Variants in SRGAP3 observed in about 807,000 individuals in gnomAD.
The protein encoded by SRGAP3 is SLIT-ROBO Rho GTPase-activating protein 3.
SRGAP3 carries 39 observed loss-of-function variants against 121.1 expected under a neutral mutation model. The ratio of observed to expected loss-of-function variants is 0.32; its 90% CI spans 0.25 to 0.42. The LOEUF (loss-of-function observed/expected upper bound fraction) is 0.42. SRGAP3 is among the 10% of genes least tolerant of loss of function. The probability of loss-of-function intolerance (pLI) is 1.00; values close to 1 mark genes in which losing one functional copy is unlikely to be tolerated. For synonymous variants in SRGAP3, 601 were observed against 570.0 expected (o/e 1.05, Z -0.77); for missense variants, 1,213 against 1,470.6 (o/e 0.82, Z 2.86).
At chr3:8,999,964 T>C (rs1942654125) in intron 18 of SRGAP3, among the ~76,000 whole-genome samples, 1 of 152,148 alleles carries the variant, frequency 6.6e-6, no homozygotes, top group South Asian at 2.1e-4. Flanking sequence ...CAAGAAAATC[T>C]ATAAAAATTT....
Position 8,993,064 on chromosome 3 carries a change from A to C in SRGAP3, c.2409-9T>G, listed in dbSNP as rs768050192. The stretch of plus-strand genomic sequence containing the variant: ...CGGAGAAGGCATCATCCCTGGGGAG[A>C]AGACAGACATGAATTGGAGGCACCT... On this transcript the variant is annotated splice_polypyrimidine_tract_variant and intron_variant, in intron 19 of 21. Transcript: ENST00000383836. The C allele has an allele frequency of 2.5e-6, 4 of 1,613,638 alleles. No homozygotes were observed. Among genetic ancestry groups the C allele is most frequent in the East Asian group, 2.2e-5 (1 of 44,878 alleles).
intron 3 of SRGAP3, among the ~76,000 whole-genome samples, chr3:9,301,942 G>T (rs1955065549): frequency 1.3e-5 from 2 of 152,226 alleles, no homozygotes; most frequent in Admixed American, 1.3e-4. Context: ...ATATTGTGGG[G>T]TGAGTGAATA....
At chr3:9,082,315 G>C (rs1947283972) in intron 3 of SRGAP3, among the ~76,000 whole-genome samples, 1 of 152,168 alleles carries the variant, frequency 6.6e-6, no homozygotes, top group Non-Finnish European at 1.5e-5. Flanking sequence ...CCCGGCCTCA[G>C]GTATTCCTTT....
At chr3:9,128,191 C>T (rs76355402) in intron 1 of SRGAP3, among the ~76,000 whole-genome samples, 3,764 of 152,286 alleles carry the variant, frequency 0.025, 160 homozygotes, top group African/African-American at 0.086. Flanking sequence ...TCAACCATCC[C>T]GCCCATCTCA....
intron 3 of SRGAP3, among the ~76,000 whole-genome samples, chr3:9,093,590 C>G (rs1399214505): frequency 2.6e-5 from 4 of 152,128 alleles, no homozygotes; most frequent in Admixed American, 2.6e-4. Context: ...TCCATCAACC[C>G]ACTCATCCAT....
intron 1 of SRGAP3, among the ~76,000 whole-genome samples, chr3:9,183,335 C>G (rs1951488125): frequency 6.6e-6 from 1 of 152,170 alleles, no homozygotes; most frequent in African/African-American, 2.4e-5. Flanking sequence ...CCCTTGAAAG[C>G]AGATTATAAA....
chr3:9,206,303 A>G (rs1952264344), intron 1 of SRGAP3, among the ~76,000 whole-genome samples: 1 of 152,216 alleles, frequency 6.6e-6, no homozygotes, highest in South Asian at 2.1e-4. Context: ...TTTACTACTG[A>G]GGAAGCCAAG....
rs143913470 is a variant in SRGAP3 at position 9,323,141 on chromosome 3, G to A, written n.442+2869C>T. On this transcript the variant is annotated intron_variant and non_coding_transcript_variant, in intron 3 of 3. Transcript: ENST00000490889. ...TGGAAAAAAAGAAAACTACTGTGGT[G>A]GAAAACAGATTCATAGTTGCCAGAG... Among the ~76,000 whole-genome samples the A allele has an allele frequency of 3.3e-5, 5 of 151,910 alleles. No homozygotes were observed. The South Asian group carries it at 6.2e-4, about 19-fold the overall frequency.
chr3:9,032,569 T>A, intron 12 of SRGAP3, 81 bp downstream of exon 12: 3 of 1,319,976 alleles, frequency 2.3e-6, no homozygotes, highest in African/African-American at 1.4e-5. Context: ...GACAGGGCTG[T>A]CTGCTGGCAG....
chr3:9,341,089 T>C (rs1253699703), intron 1 of SRGAP3, among the ~76,000 whole-genome samples: 1 of 152,244 alleles, frequency 6.6e-6, no homozygotes, highest in Non-Finnish European at 1.5e-5. Flanking sequence ...CCTCTTCTTA[T>C]AAAGCCAGAG....
chr3:9,039,030 T>C (rs639952), intron 10 of SRGAP3, among the ~76,000 whole-genome samples: 111,611 of 151,956 alleles, frequency 0.73, 42,132 homozygotes, highest in African/African-American at 0.91. Context: ...CCTCCTCACC[T>C]CTTTGCAGCT....
intron 1 of SRGAP3, among the ~76,000 whole-genome samples, chr3:9,158,725 T>A (rs1950507783): frequency 6.6e-6 from 1 of 152,090 alleles, no homozygotes; most frequent in Non-Finnish European, 1.5e-5. Flanking sequence ...ACTAACGCAG[T>A]TGTTCCGTTC....
At chr3:9,234,802 G>A (rs2125226688) in intron 1 of SRGAP3, among the ~76,000 whole-genome samples, 1 of 152,276 alleles carries the variant, frequency 6.6e-6, no homozygotes, top group African/African-American at 2.4e-5. Flanking sequence ...GCAACAAGGA[G>A]GAAAGGAAAG....
chr3:9,107,118 C>G (rs1357019508), intron 2 of SRGAP3, among the ~76,000 whole-genome samples: 1 of 152,220 alleles, frequency 6.6e-6, no homozygotes, highest in Admixed American at 6.5e-5. Flanking sequence ...GAAGCATTTA[C>G]AACACTGCTG....
At chr3:9,192,064 G>C (rs1003366335) in intron 1 of SRGAP3, among the ~76,000 whole-genome samples, 2 of 152,150 alleles carry the variant, frequency 1.3e-5, no homozygotes, top group African/African-American at 4.8e-5. Flanking sequence ...CCCAGTCTCA[G>C]GTATTCCTTT....
At chr3:9,140,913 C>T (rs1360725380) in intron 1 of SRGAP3, among the ~76,000 whole-genome samples, 1 of 152,182 alleles carries the variant, frequency 6.6e-6, no homozygotes, top group Non-Finnish European at 1.5e-5. Context: ...GTGAGATGTC[C>T]TCTAGTTGTG....
chr3:9,242,954 G>A (rs9822697), intron 1 of SRGAP3, among the ~76,000 whole-genome samples: 4,816 of 152,188 alleles, frequency 0.032, 271 homozygotes, highest in African/African-American at 0.11. Context: ...CAAAGTGCTG[G>A]GACTACAGAC....
At chr3:9,314,383 C>T (rs1270267580) in intron 3 of SRGAP3, among the ~76,000 whole-genome samples, 1 of 151,588 alleles carries the variant, frequency 6.6e-6, no homozygotes, top group East Asian at 1.9e-4. Flanking sequence ...CAGGGAGACC[C>T]TATCTCGAAG....
chr3:9,339,600 G>A (rs1013428647), intron 1 of SRGAP3, among the ~76,000 whole-genome samples: 5 of 152,182 alleles, frequency 3.3e-5, no homozygotes, highest in Non-Finnish European at 5.9e-5. Context: ...AGTCAGCATC[G>A]GCTGATTGTT....
Sources: allele counts gnomAD v4.1 joint callset (sites outside exome capture counted in the v4.1 genomes callset), GRCh38; gene constraint gnomAD v4.1.1; transcripts MANE v1.5; gene names NCBI Gene and HGNC (gene_info 2026-07-23, HGNC 2026-07-21).